The following FER1L6 variants were observed in gnomAD, a reference collection of about 807,000 sequenced individuals.
FER1L6 encodes the protein fer-1-like protein 6.
In FER1L6, 177 loss-of-function variants were observed where a neutral mutation model predicts 219.2. The observed-to-expected ratio is 0.81, with a 90% confidence interval of 0.71 to 0.91. FER1L6 has a LOEUF of 0.91. Among genes scored for constraint, FER1L6 ranks in the 40% least tolerant of loss-of-function variants. The pLI, the probability that FER1L6 is intolerant of heterozygous loss-of-function variation, is 0.00. For missense variants in FER1L6, 2,153 were observed against 2,259.9 expected, an observed-to-expected ratio of 0.95 and a Z score of 0.96; for synonymous variants, 768 against 824.3, an observed-to-expected ratio of 0.93 and a Z score of 1.17.
chr8:123,875,119 C>T (rs181074282), intron 1 of FER1L6, among the ~76,000 whole-genome samples: 129 of 152,198 alleles, frequency 8.5e-4, no homozygotes, highest in Non-Finnish European at 1.1e-3. Context: ...CGCTTGAACC[C>T]GGGAGGTGGA....
chr8:123,878,335 G>A (rs1016165238), intron 1 of FER1L6, among the ~76,000 whole-genome samples: 2 of 152,174 alleles, frequency 1.3e-5, no homozygotes, highest in African/African-American at 2.4e-5. Context: ...AGTTCACAGA[G>A]TCAAAGTCGT....
At chr8:124,009,320 C>T (rs1817807429) in intron 13 of FER1L6, among the ~76,000 whole-genome samples, 1 of 152,162 alleles carries the variant, frequency 6.6e-6, no homozygotes, top group Non-Finnish European at 1.5e-5. Context: ...ACTTCCTCTG[C>T]AGTTTTCCTG....
At position 124,067,842 on chromosome 8, in the gene FER1L6, T is replaced by G; in HGVS notation, c.3718+36T>G. The G allele has an allele frequency of 1.9e-6, 3 of 1,570,678 alleles. No individual in the cohort carries two copies. The South Asian group carries it at 3.3e-5, about 17-fold the overall frequency. On this transcript the variant is annotated intron_variant, in intron 28 of 40. Transcript: ENST00000522917. ...ATTCTGGGGACATTTGTCCATAGAA[T>G]AGGGCCATCGTTACGAGAAAATTGT... is the stretch of plus-strand genomic sequence containing the variant.
At chr8:123,983,010 G>A (rs563246231) in intron 11 of FER1L6, among the ~76,000 whole-genome samples, 154 of 152,320 alleles carry the variant, frequency 1.0e-3, no homozygotes, top group African/African-American at 3.5e-3. Context: ...GAATCATTTA[G>A]TCCAGCCTGT....
chr8:123,892,867 A>C (rs1442819254), intron 1 of FER1L6, among the ~76,000 whole-genome samples: 2 of 152,156 alleles, frequency 1.3e-5, no homozygotes, highest in East Asian at 3.8e-4. Flanking sequence ...TACAAGAGAG[A>C]CATATTAAGC....
At chr8:123,999,682 A>C (rs77892572) in intron 12 of FER1L6, among the ~76,000 whole-genome samples, 2,276 of 152,188 alleles carry the variant, frequency 0.015, 52 homozygotes, top group African/African-American at 0.05. Context: ...ACAAAAACAA[A>C]AACAAAACAA....
Position 123,968,859 on chromosome 8 carries a change from C to T in FER1L6, c.385-1176C>T, listed in dbSNP as rs543280573. ...CAGGCCATCGTCATTTGGTCAGTTC[C>T]TCCTTTCTTACTGTGGCTGTGTCCA... On this transcript the variant is annotated intron_variant, in intron 5 of 40. Coordinates refer to ENST00000522917, the MANE Select transcript of FER1L6 (RefSeq NM_001039112.2). 6.6e-5 allele frequency among the ~76,000 whole-genome samples: 10 copies of T among 152,228 alleles called. No homozygotes were observed. The South Asian group carries it at 1.2e-3, about 19-fold the overall frequency.
At chr8:123,950,251 T>A (rs187435232) in intron 1 of FER1L6, among the ~76,000 whole-genome samples, 1 of 152,332 alleles carries the variant, frequency 6.6e-6, no homozygotes, top group Non-Finnish European at 1.5e-5. Flanking sequence ...GATGTGCTGA[T>A]GCTTAGCTGT....
At chr8:124,108,600 TG>T (rs1207947997) in intron 39 of FER1L6, among the ~76,000 whole-genome samples, 1 of 152,110 alleles carries the variant, frequency 6.6e-6, no homozygotes, top group Non-Finnish European at 1.5e-5. Flanking sequence ...AGAAAAAAGA[TG>T]GGGCTGGGTG....
In FER1L6 at chr8:123,966,162, G is replaced by A. The variant is rs907004253; in HGVS notation, c.256G>A (p.Ala86Thr). 10 of 1,613,832 alleles carry A rather than the reference G, an allele frequency of 6.2e-6. No individual in the cohort carries two copies. The highest frequency in any genetic ancestry group is 1.3e-5 in the African/African-American group (1 of 74,902). The change falls in exon 5 of 41, where the codon GCC becomes ACC. Residue 86 changes from alanine to threonine, a missense_variant. By Grantham distance (58) the Ala-to-Thr change is moderately conservative. Coordinates refer to ENST00000522917, the MANE Select transcript of FER1L6 (RefSeq NM_001039112.2). ...GEVRSQNYQIAITITEARQLV... is the reference protein window; with the variant it reads ...GEVRSQNYQITITITEARQLV... ...TCCACACTGCTTTGTGTTGCAGATT[G>A]CCATAACCATCACCGAGGCTCGCCA...
At position 123,980,450 on chromosome 8, in the gene FER1L6, C is replaced by A; in HGVS notation, c.1064-15C>A. On this transcript the variant is annotated splice_polypyrimidine_tract_variant and intron_variant, in intron 10 of 40. Coordinates refer to ENST00000522917, the MANE Select transcript of FER1L6 (RefSeq NM_001039112.2). ...AAAAACATAATGAGATAACTAAAAC[C>A]TGGGGTCTCTCTAGGCTTTCTGCCC... The A allele has an allele frequency of 6.4e-7, 1 of 1,566,966 alleles. No individual in the cohort carries two copies. Among genetic ancestry groups the A allele is most frequent in the Middle Eastern group, 1.7e-4 (1 of 5,846 alleles).
At chr8:123,898,797 A>ATATATACG in intron 1 of FER1L6, among the ~76,000 whole-genome samples, 1 of 143,056 alleles carries the variant, frequency 7.0e-6, no homozygotes, top group Admixed American at 7.0e-5. Context: ...ACATATATAC[A>ATATATACG]TATATACACA....
chr8:124,106,475 T>A (rs1029748637), intron 39 of FER1L6, among the ~76,000 whole-genome samples: 6 of 152,088 alleles, frequency 3.9e-5, no homozygotes, highest in African/African-American at 1.4e-4. Context: ...GAGAAGCAGG[T>A]TAGTGTAGAT....
Position 123,853,140 on chromosome 8 carries a change from A to AC in FER1L6, c.-8+958dup, listed in dbSNP as rs1309002036. On this transcript the variant is annotated intron_variant, in intron 1 of 40. Coordinates refer to ENST00000522917, the MANE Select transcript of FER1L6 (RefSeq NM_001039112.2). This position sits in a 1 kb window ranked among gnomAD's most constrained non-coding sequence, Gnocchi z 6.6. Reference sequence around the variant, plus strand: ...ATTACGTGCGTGAGCCACTGTGCCCACCCTCAGACTTTAAAATAGACGAAA... The same window carrying AC: ...ATTACGTGCGTGAGCCACTGTGCCCACCCCTCAGACTTTAAAATAGACGAAA... Among the ~76,000 whole-genome samples, 4 of 151,602 alleles carry AC rather than the reference A, an allele frequency of 2.6e-5. No homozygotes were observed. The highest frequency in any genetic ancestry group is 7.3e-5 in the African/African-American group (3 of 41,252).
At chr8:124,066,399 T>A in intron 26 of FER1L6, 29 bp from the exon 27 acceptor site, 1 of 1,608,630 alleles carries the variant, frequency 6.2e-7, no homozygotes, top group South Asian at 1.1e-5. Flanking sequence ...GAGGTTGAAC[T>A]AATAACCCAT....
chr8:123,894,294 G>A (rs1812707848), intron 1 of FER1L6, among the ~76,000 whole-genome samples: 1 of 152,042 alleles, frequency 6.6e-6, no homozygotes, highest in Admixed American at 6.6e-5. Context: ...TACATTTCTT[G>A]CCTACTATAT....
At chr8:124,054,662 G>C (rs189159542) in intron 22 of FER1L6, among the ~76,000 whole-genome samples, 13 of 152,288 alleles carry the variant, frequency 8.5e-5, no homozygotes, top group Admixed American at 7.2e-4. Flanking sequence ...ACTGGGCAAA[G>C]AGCCTTTAGA....
intron 11 of FER1L6, 127 bp downstream of exon 11, chr8:123,980,938 C>A: frequency 1.3e-6 from 1 of 769,550 alleles, no homozygotes; most frequent in Non-Finnish European, 2.0e-6. Context: ...TTTGTGTTGG[C>A]CCAGCCCTGT....
chr8:124,094,293 C>G (rs751213023), intron 34 of FER1L6, among the ~76,000 whole-genome samples: 1 of 152,080 alleles, frequency 6.6e-6, no homozygotes, highest in Non-Finnish European at 1.5e-5. Flanking sequence ...TGTTTATGAT[C>G]TGTAGATCTT....
Sources: allele counts gnomAD v4.1 joint callset (sites outside exome capture counted in the v4.1 genomes callset), GRCh38; gene constraint gnomAD v4.1.1; non-coding constraint Gnocchi (gnomAD v3.1); transcripts MANE v1.5; gene names NCBI Gene and HGNC (gene_info 2026-07-23, HGNC 2026-07-21).